The following VPS53 variants were observed in gnomAD, a reference collection of about 807,000 sequenced individuals.
VPS53 encodes VPS53 subunit of GARP complex.
In VPS53, 70 loss-of-function variants were observed where a neutral mutation model predicts 107.0. That is an observed-to-expected ratio of 0.65 (90% CI 0.54 to 0.80). The LOEUF is 0.80. Among genes scored for constraint, VPS53 ranks in the 30% least tolerant of loss-of-function variants. The probability of loss-of-function intolerance (pLI) is 0.00; values close to 1 mark genes in which losing one functional copy is unlikely to be tolerated. For synonymous variants in VPS53, 409 were observed against 393.3 expected (o/e 1.04, Z -0.47); for missense variants, 917 against 1,049.4 (o/e 0.87, Z 1.74).
intron 13 of VPS53, among the ~76,000 whole-genome samples, chr17:567,458 G>GT (rs1230776818): frequency 6.6e-6 from 1 of 151,914 alleles, no homozygotes; most frequent in African/African-American, 2.4e-5. Flanking sequence ...ATGGGAATGC[G>GT]TAAGGCTCAT....
intron 4 of VPS53, among the ~76,000 whole-genome samples, chr17:695,077 C>T (rs1384730440): frequency 1.3e-5 from 2 of 152,166 alleles, no homozygotes. Flanking sequence ...ACAGTTCTTA[C>T]CTTCCAGGAG....
At chr17:538,190 C>A (rs1910263429) in intron 17 of VPS53, 1 of 152,252 alleles carries the variant, frequency 6.6e-6, no homozygotes, top group South Asian at 2.1e-4. Flanking sequence ...GTGTGCCATC[C>A]CCCAAGGGTG....
intron 11 of VPS53, among the ~76,000 whole-genome samples, chr17:614,753 A>G (rs964099234): frequency 1.4e-4 from 21 of 152,072 alleles, no homozygotes; most frequent in African/African-American, 4.8e-4. Flanking sequence ...ACGCTCTTAC[A>G]CTCAAATTCC....
chr17:662,827 GAGAA>G (rs1299837214), intron 4 of VPS53, among the ~76,000 whole-genome samples: 18 of 134,554 alleles, frequency 1.3e-4, no homozygotes, highest in African/African-American at 3.9e-4. Context: ...GAAAGAGAAA[GAGAA>G]AGAAAGGAAG....
chr17:608,907 C>G (rs1361700315), intron 11 of VPS53, among the ~76,000 whole-genome samples: 2 of 151,938 alleles, frequency 1.3e-5, no homozygotes, highest in African/African-American at 2.4e-5. Context: ...GCCATTATGC[C>G]CGGCCCACTG....
chr17:641,703 C>T (rs920738374), intron 7 of VPS53, among the ~76,000 whole-genome samples: 2 of 152,192 alleles, frequency 1.3e-5, no homozygotes, highest in African/African-American at 2.4e-5. Context: ...GATCTGCCCA[C>T]TTCAGCCTCC....
chr17:573,112 T>C (rs1057244643), intron 13 of VPS53, among the ~76,000 whole-genome samples: 1 of 152,232 alleles, frequency 6.6e-6, no homozygotes, highest in Non-Finnish European at 1.5e-5. Context: ...GCATGAGTTC[T>C]AGTCTAACAA....
chr17:598,690 G>T (rs1261637737), intron 12 of VPS53, among the ~76,000 whole-genome samples: 1 of 119,850 alleles, frequency 8.3e-6, no homozygotes, highest in Non-Finnish European at 1.9e-5. Flanking sequence ...CTGCCCGGCC[G>T]CCCCGTCTGA....
Position 551,885 on chromosome 17 carries a change from G to A in VPS53, c.1853C>T (p.Thr618Ile). The change falls in exon 17 of 22, where the codon ACT becomes ATT. Residue 618 changes from threonine (T) to isoleucine (I), a missense_variant. Coordinates refer to ENST00000437048, the MANE Select transcript of VPS53 (RefSeq NM_001128159.3). Reference sequence around the variant, plus strand: ...CCAAGACCTTACCTTGCTCATGGCAGTCAGGGCAGGATCACAGGCAGCATC... The same window carrying A: ...CCAAGACCTTACCTTGCTCATGGCAATCAGGGCAGGATCACAGGCAGCATC... ...DLDAACDPAL[T>I]AMSKMQWQNV... 1 of 1,603,842 alleles carries A rather than the reference G, an allele frequency of 6.2e-7. No individual in the cohort carries two copies. The highest frequency in any genetic ancestry group is 8.5e-7 in the Non-Finnish European group (1 of 1,174,884).
chr17:602,267 A>G (rs1434869683), intron 11 of VPS53, among the ~76,000 whole-genome samples: 1 of 152,208 alleles, frequency 6.6e-6, no homozygotes, highest in Admixed American at 6.5e-5. Context: ...AAATATAGCA[A>G]TTGCCCATTA....
chr17:550,231 C>T (rs1377742515), intron 17 of VPS53, among the ~76,000 whole-genome samples: 1 of 152,174 alleles, frequency 6.6e-6, no homozygotes, highest in Non-Finnish European at 1.5e-5. Flanking sequence ...CCAAAGGAAA[C>T]CCTGGAGGAG....
intron 7 of VPS53, among the ~76,000 whole-genome samples, chr17:641,804 G>A (rs1473660499): frequency 6.6e-6 from 1 of 152,146 alleles, no homozygotes; most frequent in Non-Finnish European, 1.5e-5. Context: ...ATAGAGAACA[G>A]GGAAAACAAA....
chr17:515,003 T>C lies in VPS53; in HGVS notation c.*4125A>G, dbSNP rs1236609282. On this transcript the variant is annotated 3_prime_UTR_variant, in exon 22 of 22. Transcript: ENST00000437048. The stretch of plus-strand genomic sequence containing the variant: ...AGTCCACACAGGATGTTCTCTGGCC[T>C]GGACACCGCTAAGCCAGCTTTCAGA... 6.6e-6 allele frequency: 1 copy of C among 152,358 alleles called. No homozygotes were observed. Among genetic ancestry groups the C allele is most frequent in the East Asian group, 1.9e-4 (1 of 5,194 alleles). 9.4% of individuals were successfully genotyped at this position (152,358 alleles called of 1,614,324 possible).
At chr17:565,975 G>A (rs1204882709) in intron 13 of VPS53, among the ~76,000 whole-genome samples, 1 of 152,002 alleles carries the variant, frequency 6.6e-6, no homozygotes, top group African/African-American at 2.4e-5. Flanking sequence ...AGGCCGAGGC[G>A]GGCGGATCAC....
At chr17:661,125 C>T (rs982110758) in intron 5 of VPS53, among the ~76,000 whole-genome samples, 9 of 152,020 alleles carry the variant, frequency 5.9e-5, no homozygotes, top group African/African-American at 2.2e-4. Flanking sequence ...CATCGAGCTA[C>T]ATACCGTACA....
intron 11 of VPS53, among the ~76,000 whole-genome samples, chr17:613,709 T>C (rs1176692567): frequency 2.0e-5 from 3 of 150,368 alleles, no homozygotes; most frequent in Non-Finnish European, 4.4e-5. Context: ...AATATTCACA[T>C]AGTGAGTTCA....
chr17:531,062 G>A (rs1005685845), intron 19 of VPS53, among the ~76,000 whole-genome samples: 3 of 152,230 alleles, frequency 2.0e-5, no homozygotes, highest in African/African-American at 7.2e-5. Flanking sequence ...GGCAGCGTCT[G>A]TTTCAGTCTA....
rs556887022 is a variant in VPS53 at position 558,588 on chromosome 17, C to T, written c.1704+1838G>A. 9.7e-4 allele frequency among the ~76,000 whole-genome samples: 147 copies of T among 152,128 alleles called. 2 individuals carry two copies. The highest frequency in any genetic ancestry group is 3.4e-3 in the African/African-American group (142 of 41,508). On this transcript the variant is annotated intron_variant, in intron 15 of 21. Coordinates refer to ENST00000437048, the MANE Select transcript of VPS53 (RefSeq NM_001128159.3). Reference sequence around the variant, plus strand: ...GGGGGAGCTTGCAGTGAGCCGAGATCGTGCCACTGCACTCCAGCCTGGGTG... The same window carrying T: ...GGGGGAGCTTGCAGTGAGCCGAGATTGTGCCACTGCACTCCAGCCTGGGTG...
At chr17:542,899 A>C (rs1910811253) in intron 17 of VPS53, among the ~76,000 whole-genome samples, 1 of 151,480 alleles carries the variant, frequency 6.6e-6, no homozygotes, top group African/African-American at 2.4e-5. Context: ...AATCACTTGA[A>C]CCTGGGAGGC....
Sources: allele counts gnomAD v4.1 joint callset (sites outside exome capture counted in the v4.1 genomes callset), GRCh38; gene constraint gnomAD v4.1.1; transcripts MANE v1.5; gene names NCBI Gene and HGNC (gene_info 2026-07-23, HGNC 2026-07-21).